CLTC: variants seen among roughly 807,000 people sequenced by gnomAD.
CLTC encodes the protein clathrin heavy chain.
A neutral mutation model predicts 195.8 loss-of-function variants in CLTC; 16 were observed. The observed-to-expected ratio is 0.08, with a 90% confidence interval of 0.06 to 0.12. CLTC has a LOEUF of 0.12. Ranked by LOEUF, CLTC falls within the 10% of genes least tolerant of loss-of-function variation. The pLI is 1.00. For synonymous variants in CLTC, 667 were observed against 689.4 expected (o/e 0.97, Z 0.51); for missense variants, 796 against 2,027.0 (o/e 0.39, Z 11.66).
intron 30 of CLTC, chr17:59,689,214 C>G (rs1165278277): frequency 6.6e-6 from 1 of 152,158 alleles, no homozygotes; most frequent in Non-Finnish European, 1.5e-5. Flanking sequence ...TTACTTTTCT[C>G]AAACTTTCAG....
chr17:59,645,431 C>T (rs536381264), intron 2 of CLTC, among the ~76,000 whole-genome samples: 2 of 152,264 alleles, frequency 1.3e-5, no homozygotes, highest in South Asian at 2.1e-4. Flanking sequence ...TAGACTGTCA[C>T]GGAAGCTGTA....
chr17:59,640,602 G>C (rs2032000222), intron 1 of CLTC, among the ~76,000 whole-genome samples: 1 of 151,724 alleles, frequency 6.6e-6, no homozygotes, highest in Non-Finnish European at 1.5e-5. Flanking sequence ...GTTTCACTGT[G>C]TTAGCCAGGA....
In CLTC at chr17:59,644,280, A is replaced by G; in HGVS notation, c.47A>G (p.Gln16Arg). Reference protein sequence around the residue: ...PIRFQEHLQLQNLGINPANIG... With the variant: ...PIRFQEHLQLRNLGINPANIG... Reference sequence around the variant, plus strand: ...GTTTCTTATTATTTTTTCTAGCTCCAGAACCTGGGTATCAACCCAGCAAAC... The same window carrying G: ...GTTTCTTATTATTTTTTCTAGCTCCGGAACCTGGGTATCAACCCAGCAAAC... The change falls in exon 2 of 32, where the codon CAG becomes CGG. Residue 16 changes from glutamine to arginine, a missense_variant. By Grantham distance (43) the Gln-to-Arg change is conservative. This residue lies in a region of CLTC where 24 missense variants were observed against 29.8 expected (regional missense o/e 0.81). Transcript: ENST00000269122. 1 of 1,613,346 alleles carries G rather than the reference A, an allele frequency of 6.2e-7. No individual in the cohort carries two copies. Among genetic ancestry groups the G allele is most frequent in the Non-Finnish European group, 8.5e-7 (1 of 1,179,740 alleles).
At position 59,682,543 on chromosome 17, in the gene CLTC, T is replaced by C. The variant is rs1167419876; in HGVS notation, c.3601-86T>C. 2.5e-6 allele frequency: 4 copies of C among 1,578,444 alleles called. No individual in the cohort carries two copies. The highest frequency in any genetic ancestry group is 4.5e-5 in the East Asian group (2 of 44,478). On this transcript the variant is annotated intron_variant, in intron 22 of 31. Coordinates refer to ENST00000269122, the MANE Select transcript of CLTC (RefSeq NM_004859.4). This position sits in a 1 kb window ranked among gnomAD's most constrained non-coding sequence, Gnocchi z 6.8. Reference sequence around the variant, plus strand: ...GAAAAATCTATAGGAAAACAAATTCTTTCTCATTGTGAAGATATCAATTTG... The same window carrying C: ...GAAAAATCTATAGGAAAACAAATTCCTTCTCATTGTGAAGATATCAATTTG...
Position 59,679,375 on chromosome 17 carries a change from TAATC to T in CLTC, c.2797-21_2797-18del. 1 of 1,572,100 alleles carries T rather than the reference TAATC, an allele frequency of 6.4e-7. No homozygotes were observed. The highest frequency in any genetic ancestry group is 8.7e-7 in the Non-Finnish European group (1 of 1,154,558). ...AGTCCTTTACTTTTTACCTTGAAAT[TAATC>T]TATCATATCTTCTTTAGGTTTGCAA... On this transcript the variant is annotated intron_variant, in intron 17 of 31. Transcript: ENST00000269122.
chr17:59,668,692 A>G (rs542398857), intron 13 of CLTC, 85 bp from the exon 14 acceptor site: 16 of 1,166,336 alleles, frequency 1.4e-5, no homozygotes, highest in South Asian at 9.9e-5. Context: ...AGTATTCAAT[A>G]TAACAGTTTT....
chr17:59,668,272 A>T (rs1210606014), intron 13 of CLTC, among the ~76,000 whole-genome samples: 2 of 152,220 alleles, frequency 1.3e-5, no homozygotes, highest in African/African-American at 2.4e-5. Context: ...AATTTCCCAT[A>T]TAGGGGCACA....
Position 59,694,632 on chromosome 17 carries a change from A to G in CLTC, c.*780A>G, listed in dbSNP as rs573746890. On this transcript the variant is annotated 3_prime_UTR_variant, in exon 32 of 32. Transcript: ENST00000269122. ...ACTAACCCTTCCCTGAGGTTTGTGT[A>G]TGTTGGATATTGTGGTGTTTTAGAT... 64 of 226,220 alleles carry G rather than the reference A, an allele frequency of 2.8e-4. 1 individual carries two copies. The South Asian group carries it at 0.012, about 41-fold the overall frequency. The allele number at this position is 226,220 out of a possible 1,614,324, so 14.0% of individuals were successfully genotyped here.
chr17:59,623,792 C>T (rs1528490), intron 1 of CLTC, among the ~76,000 whole-genome samples: 117,690 of 152,084 alleles, frequency 0.77, 46,535 homozygotes, highest in East Asian at 0.93. Context: ...AACTGTCTAC[C>T]AGCTACATAG....
At position 59,644,535 on chromosome 17, in the gene CLTC, T is replaced by G. The variant is rs144525007; in HGVS notation, c.250+52T>G. The G allele has an allele frequency of 3.4e-4, 459 of 1,366,406 alleles. No homozygotes were observed. In the African/African-American group the frequency reaches 3.6e-3, roughly 11 times the overall value. 84.6% of individuals were successfully genotyped at this position (1,366,406 alleles called of 1,614,324 possible). On this transcript the variant is annotated intron_variant, in intron 2 of 31. Coordinates refer to ENST00000269122, the MANE Select transcript of CLTC (RefSeq NM_004859.4). Reference sequence around the variant, plus strand: ...AAACTCTTCCTATGTTTTTGTTTTTTTTTGTTTTTTTTTTGTTTGTTTGTT... The same window carrying G: ...AAACTCTTCCTATGTTTTTGTTTTTGTTTGTTTTTTTTTTGTTTGTTTGTT...
rs759691989 is a variant in CLTC, at chr17:59,683,022, C to T, written c.3873+8C>T. 3.6e-5 allele frequency: 58 copies of T among 1,613,370 alleles called. No homozygotes were observed. Among genetic ancestry groups the T allele is most frequent in the African/African-American group, 3.2e-4 (24 of 74,882 alleles). On this transcript the variant is annotated splice_region_variant and intron_variant, in intron 24 of 31. Coordinates refer to ENST00000269122, the MANE Select transcript of CLTC (RefSeq NM_004859.4). This position sits in a 1 kb window ranked among gnomAD's most constrained non-coding sequence, Gnocchi z 6.1. ...CTTATCAACTACTATCAGGTATTAA[C>T]GAGACTTTTATATGACCTGAGATCT... is the stretch of plus-strand genomic sequence containing the variant.
At chr17:59,629,762 G>T (rs957350047) in intron 1 of CLTC, among the ~76,000 whole-genome samples, 1 of 151,898 alleles carries the variant, frequency 6.6e-6, no homozygotes, top group Non-Finnish European at 1.5e-5. Flanking sequence ...CTTGTGATCC[G>T]CCTGCTTTGG....
chr17:59,690,717 C>A lies in CLTC; in HGVS notation c.4903+6C>A. ...GACACAACCCATTGTTTATGGTAAT[C>A]TCTCTCTGTAACCTCAAAAAATTCA... is the stretch of plus-strand genomic sequence containing the variant. On this transcript the variant is annotated splice_donor_region_variant and intron_variant, in intron 31 of 31. Coordinates refer to ENST00000269122, the MANE Select transcript of CLTC (RefSeq NM_004859.4). 6.2e-7 allele frequency: 1 copy of A among 1,603,656 alleles called. No individual in the cohort carries two copies. The highest frequency in any genetic ancestry group is 2.2e-5 in the East Asian group (1 of 44,706).
At chr17:59,660,717 T>G in intron 7 of CLTC, 129 bp downstream of exon 7, 1 of 903,896 alleles carries the variant, frequency 1.1e-6, no homozygotes, top group Non-Finnish European at 1.7e-6. Context: ...GGTTACATTT[T>G]CCTTTAGTAG....
At chr17:59,678,331 A>G (rs968890730) in intron 17 of CLTC, among the ~76,000 whole-genome samples, 1 of 152,216 alleles carries the variant, frequency 6.6e-6, no homozygotes, top group African/African-American at 2.4e-5. Flanking sequence ...GTAGTAGACT[A>G]TGCAAATATC....
intron 31 of CLTC, among the ~76,000 whole-genome samples, chr17:59,693,158 G>T (rs997068974): frequency 1.3e-5 from 2 of 152,100 alleles, no homozygotes; most frequent in African/African-American, 4.8e-5. Context: ...CTTGTGGCCA[G>T]GAGTTCAATA....
chr17:59,684,995 A>G (rs2033152133), intron 28 of CLTC, 61 bp from the exon 29 acceptor site: 7 of 1,345,142 alleles, frequency 5.2e-6, no homozygotes, highest in Non-Finnish European at 7.0e-6. Context: ...ATTGATTGAG[A>G]ACGGAATATA....
chr17:59,670,143 T>A (rs1208918974), intron 14 of CLTC, among the ~76,000 whole-genome samples: 1 of 152,232 alleles, frequency 6.6e-6, no homozygotes, highest in Non-Finnish European at 1.5e-5. Flanking sequence ...GAGAAAGATT[T>A]GATACTCTGT....
rs1567940696 is a variant in CLTC, at chr17:59,644,580, T to TA, written c.250+98dup. 3 of 1,023,694 alleles carry TA rather than the reference T, an allele frequency of 2.9e-6. No individual in the cohort carries two copies. In the East Asian group the frequency reaches 7.8e-5, roughly 27 times the overall value. The allele number at this position is 1,023,694 out of a possible 1,614,324, so 63.4% of individuals were successfully genotyped here. On this transcript the variant is annotated intron_variant, in intron 2 of 31. Coordinates refer to ENST00000269122, the MANE Select transcript of CLTC (RefSeq NM_004859.4). ...TTTGTTTGTTTTTGAGACGGAGTTT[T>TA]ACTCTTGTCACCCAGGCTGGAGTGC...
Sources: gnomAD v4.1 joint callset for allele counts (sites outside exome capture counted in the v4.1 genomes callset) on GRCh38, gnomAD v4.1.1 for gene constraint, gnomAD v4.1.1 regional missense constraint, Gnocchi (gnomAD v3.1) non-coding constraint, MANE v1.5 for transcripts, NCBI Gene and HGNC (gene_info 2026-07-23, HGNC 2026-07-21) for gene names.